Variants in MACROD2 observed in about 807,000 individuals in gnomAD.
MACROD2 encodes the protein ADP-ribose glycohydrolase MACROD2.
In MACROD2, 36 loss-of-function variants were observed where a neutral mutation model predicts 70.4. That is an observed-to-expected ratio of 0.51 (90% confidence interval 0.39 to 0.68). The LOEUF is 0.68. Among genes scored for constraint, MACROD2 ranks in the 30% least tolerant of loss-of-function variants. MACROD2 has a pLI of 0.00. For synonymous variants in MACROD2, 172 were observed against 178.8 expected, an observed-to-expected ratio of 0.96 and a Z score of 0.30; for missense variants, 496 against 538.4, an observed-to-expected ratio of 0.92 and a Z score of 0.78.
At chr20:14,075,217 G>A (rs1323467663) in intron 2 of MACROD2, among the ~76,000 whole-genome samples, 1 of 152,156 alleles carries the variant, frequency 6.6e-6, no homozygotes, top group Non-Finnish European at 1.5e-5. Flanking sequence ...TTTTCTATGC[G>A]TGAAATTGTG....
chr20:14,869,479 G>A (rs2073464087), intron 5 of MACROD2, among the ~76,000 whole-genome samples: 1 of 152,144 alleles, frequency 6.6e-6, no homozygotes, highest in South Asian at 2.1e-4. Flanking sequence ...GTGATGTCCA[G>A]GCTTCCTGCA....
chr20:15,674,035 G>A (rs942643122), intron 8 of MACROD2, among the ~76,000 whole-genome samples: 10 of 152,166 alleles, frequency 6.6e-5, no homozygotes, highest in East Asian at 1.9e-4. Context: ...TTGCATGTGC[G>A]TATGAATCAT....
chr20:15,625,767 C>G (rs1277446429), intron 8 of MACROD2, among the ~76,000 whole-genome samples: 1 of 152,028 alleles, frequency 6.6e-6, no homozygotes, highest in Non-Finnish European at 1.5e-5. Flanking sequence ...GAACAACGTT[C>G]CTAGATTCTG....
At chr20:14,848,874 G>A (rs1287336285) in intron 5 of MACROD2, among the ~76,000 whole-genome samples, 1 of 152,000 alleles carries the variant, frequency 6.6e-6, no homozygotes, top group Non-Finnish European at 1.5e-5. Context: ...GTCTAATTAG[G>A]GCAGCCTGGG....
intron 17 of MACROD2, among the ~76,000 whole-genome samples, chr20:16,046,744 G>A (rs1011990439): frequency 9.5e-5 from 13 of 136,702 alleles, no homozygotes; most frequent in African/African-American, 2.8e-4. Context: ...GTAGTGGCAC[G>A]ATCTTGGCTT....
intron 6 of MACROD2, among the ~76,000 whole-genome samples, chr20:15,359,050 G>A (rs962671178): frequency 6.6e-6 from 1 of 152,090 alleles, no homozygotes; most frequent in Non-Finnish European, 1.5e-5. Context: ...TATGTTAGGG[G>A]CCTACGGAAG....
chr20:14,636,951 G>A (rs929647025), intron 4 of MACROD2, among the ~76,000 whole-genome samples: 1 of 152,118 alleles, frequency 6.6e-6, no homozygotes, highest in East Asian at 1.9e-4. Flanking sequence ...ATGAAGACTG[G>A]AATTCAAATA....
intron 3 of MACROD2, among the ~76,000 whole-genome samples, chr20:14,409,859 C>A (rs2083730998): frequency 6.6e-6 from 1 of 152,140 alleles, no homozygotes; most frequent in African/African-American, 2.4e-5. Flanking sequence ...TGAACTGAAT[C>A]AGATCTGCCA....
At chr20:15,631,782 C>T (rs556674754) in intron 8 of MACROD2, among the ~76,000 whole-genome samples, 1 of 152,208 alleles carries the variant, frequency 6.6e-6, no homozygotes, top group Admixed American at 6.5e-5. Context: ...CACTGATGTC[C>T]AGCTCTTACC....
intron 3 of MACROD2, among the ~76,000 whole-genome samples, chr20:14,097,643 TCA>T (rs1171385293): frequency 1.3e-5 from 2 of 152,176 alleles, no homozygotes; most frequent in Non-Finnish European, 2.9e-5. Flanking sequence ...TTTCTGAACC[TCA>T]GTTTTCTCAT....
chr20:15,758,220 A>G (rs1248989270), intron 8 of MACROD2, among the ~76,000 whole-genome samples: 2 of 151,702 alleles, frequency 1.3e-5, no homozygotes, highest in African/African-American at 4.8e-5. Flanking sequence ...ATTTTGGAAT[A>G]ATACATTCCT....
intron 5 of MACROD2, among the ~76,000 whole-genome samples, chr20:15,201,576 A>G (rs937216974): frequency 2.0e-5 from 3 of 152,238 alleles, no homozygotes; most frequent in African/African-American, 7.2e-5. Flanking sequence ...AGTTTGTTAC[A>G]TGAAAGAAAT....
chr20:14,223,062 T>C (rs951726137), intron 3 of MACROD2: 2 of 152,286 alleles, frequency 1.3e-5, no homozygotes, highest in African/African-American at 2.4e-5. Context: ...GCTGGTGCTG[T>C]AGTCCCAGCT....
intron 8 of MACROD2, among the ~76,000 whole-genome samples, chr20:15,738,891 GT>G (rs1306857976): frequency 6.6e-6 from 1 of 152,082 alleles, no homozygotes; most frequent in Admixed American, 6.6e-5. Flanking sequence ...GACTTGAGAA[GT>G]TTAAAAATCC....
chr20:14,820,125 A>G (rs1236901499), intron 5 of MACROD2, among the ~76,000 whole-genome samples: 1 of 152,074 alleles, frequency 6.6e-6, no homozygotes, highest in African/African-American at 2.4e-5. Flanking sequence ...GTTTGCACTG[A>G]AGAAGGGAGA....
intron 8 of MACROD2, among the ~76,000 whole-genome samples, chr20:15,858,465 T>C (rs1211145718): frequency 1.3e-5 from 2 of 152,200 alleles, no homozygotes; most frequent in Admixed American, 1.3e-4. Flanking sequence ...GACTTCTTTT[T>C]TACTTATTCA....
chr20:15,247,345 C>T (rs944522492), intron 6 of MACROD2, among the ~76,000 whole-genome samples: 7 of 152,066 alleles, frequency 4.6e-5, no homozygotes, highest in Admixed American at 1.3e-4. Flanking sequence ...CCTCAGTGTA[C>T]GCAACTTGAT....
chr20:15,773,170 G>A (rs1327137236), intron 8 of MACROD2, among the ~76,000 whole-genome samples: 12 of 152,006 alleles, frequency 7.9e-5, no homozygotes, highest in African/African-American at 2.2e-4. Context: ...CCTCATTTCC[G>A]TCAGATGATT....
At chr20:14,995,281 A>T (rs965446978) in intron 5 of MACROD2, among the ~76,000 whole-genome samples, 2 of 152,150 alleles carry the variant, frequency 1.3e-5, no homozygotes, top group Non-Finnish European at 2.9e-5. Context: ...GGGATTAGTT[A>T]CTTGGTAAAT....
Sources: gnomAD v4.1 joint callset for allele counts (sites outside exome capture counted in the v4.1 genomes callset) on GRCh38, gnomAD v4.1.1 for gene constraint, MANE v1.5 for transcripts, NCBI Gene and HGNC (gene_info 2026-07-23, HGNC 2026-07-21) for gene names.